The following RASGRF2 variants were observed in gnomAD, a reference collection of about 807,000 sequenced individuals.
The protein encoded by RASGRF2 is ras-specific guanine nucleotide-releasing factor 2.
In RASGRF2, 76 loss-of-function variants were observed where a neutral mutation model predicts 151.0. That is an observed-to-expected ratio of 0.50 (90% CI 0.42 to 0.61). The LOEUF (loss-of-function observed/expected upper bound fraction) is 0.61, where lower values mean the gene tolerates loss of function less well. RASGRF2 is among the 20% of genes least tolerant of loss of function. RASGRF2 has a pLI of 0.00. For synonymous variants in RASGRF2, 504 were observed against 566.5 expected (o/e 0.89, Z 1.57); for missense variants, 1,148 against 1,564.6 (o/e 0.73, Z 4.49).
chr5:80,963,657 G>A (rs188702523), intron 1 of RASGRF2, among the ~76,000 whole-genome samples: 7 of 152,310 alleles, frequency 4.6e-5, no homozygotes, highest in Admixed American at 1.3e-4. Context: ...CTGAAAAGCC[G>A]AGGACAAGCA....
chr5:81,216,503 A>G (rs1332773382), intron 24 of RASGRF2, among the ~76,000 whole-genome samples: 1 of 152,122 alleles, frequency 6.6e-6, no homozygotes, highest in East Asian at 1.9e-4. Flanking sequence ...AGTGAAAGCA[A>G]GACTAAGACT....
At chr5:81,048,283 T>C (rs183451900) in intron 2 of RASGRF2, among the ~76,000 whole-genome samples, 15 of 152,176 alleles carry the variant, frequency 9.9e-5, no homozygotes, top group Non-Finnish European at 1.3e-4. Context: ...ATTTAAGGTA[T>C]TATTATTATT....
At chr5:81,155,344 T>C (rs1754235860) in intron 17 of RASGRF2, among the ~76,000 whole-genome samples, 1 of 151,894 alleles carries the variant, frequency 6.6e-6, no homozygotes, top group Non-Finnish European at 1.5e-5. Context: ...TAAGGAAATA[T>C]TAGAGCATAA....
chr5:81,220,842 C>T (rs1050514334), intron 26 of RASGRF2, among the ~76,000 whole-genome samples: 1 of 152,146 alleles, frequency 6.6e-6, no homozygotes, highest in African/African-American at 2.4e-5. Flanking sequence ...TCTTTCTGCT[C>T]CAGGATCCCA....
intron 18 of RASGRF2, among the ~76,000 whole-genome samples, chr5:81,197,480 A>AAT (rs1341897748): frequency 6.6e-6 from 1 of 150,902 alleles, no homozygotes; most frequent in African/African-American, 2.4e-5. Flanking sequence ...AAAAAAAAAA[A>AAT]AAAAAAAGTA....
chr5:81,060,030 G>A (rs1302121929), intron 2 of RASGRF2, among the ~76,000 whole-genome samples: 1 of 152,162 alleles, frequency 6.6e-6, no homozygotes, highest in South Asian at 2.1e-4. Flanking sequence ...GGGTCATACA[G>A]CAAGAGCAGG....
chr5:81,023,842 G>C (rs1423627079), intron 1 of RASGRF2, among the ~76,000 whole-genome samples: 1 of 152,214 alleles, frequency 6.6e-6, no homozygotes, highest in Non-Finnish European at 1.5e-5. Context: ...ATGGCAGCCA[G>C]CAGTTACTGA....
chr5:81,221,335 G>T (rs80072836), intron 26 of RASGRF2, among the ~76,000 whole-genome samples: 2,710 of 152,082 alleles, frequency 0.018, 92 homozygotes, highest in African/African-American at 0.062. Flanking sequence ...CAAGAGATTT[G>T]TTTCTTCTCC....
chr5:81,137,883 T>C (rs111872409), intron 17 of RASGRF2, among the ~76,000 whole-genome samples: 123 of 152,334 alleles, frequency 8.1e-4, no homozygotes, highest in African/African-American at 2.8e-3. Flanking sequence ...TGGCATGCCT[T>C]GTAGTTTTTT....
rs1276702578 is a variant in RASGRF2 at position 81,173,023 on chromosome 5, G to C, written c.2687-7152G>C. 2.0e-5 allele frequency among the ~76,000 whole-genome samples: 3 copies of C among 152,142 alleles called. No homozygotes were observed. The East Asian group carries it at 5.8e-4, about 29-fold the overall frequency. On this transcript the variant is annotated intron_variant, in intron 17 of 26. Transcript: ENST00000265080. ...GCAATTTCCTTTCTACTCCAAGCCA[G>C]TTTGAGTTGGATTTTCTGTACCTTG...
At chr5:81,128,293 CA>C (rs1385381452) in intron 17 of RASGRF2, among the ~76,000 whole-genome samples, 1 of 151,930 alleles carries the variant, frequency 6.6e-6, no homozygotes, top group East Asian at 1.9e-4. Context: ...GCTCTCCCCA[CA>C]AAAAAATGGT....
chr5:81,102,257 A>C (rs2112521439), intron 12 of RASGRF2, among the ~76,000 whole-genome samples: 1 of 152,330 alleles, frequency 6.6e-6, no homozygotes, highest in South Asian at 2.1e-4. Context: ...CCCATTAATC[A>C]AGTTCTCTAT....
intron 9 of RASGRF2, 92 bp downstream of exon 9, chr5:81,087,045 G>C (rs1032786425): frequency 2.5e-6 from 3 of 1,192,886 alleles, no homozygotes; most frequent in African/African-American, 1.5e-5. Context: ...GAACAGGCGT[G>C]ACGGGTGCGG....
At chr5:81,070,761 AT>A (rs1309554369) in intron 4 of RASGRF2, among the ~76,000 whole-genome samples, 180 bp downstream of exon 4, 1 of 151,928 alleles carries the variant, frequency 6.6e-6, no homozygotes, top group African/African-American at 2.4e-5. Flanking sequence ...TCTGCTTGAG[AT>A]TTCTTTACAC....
chr5:81,182,083 C>T (rs1368472130), intron 18 of RASGRF2, among the ~76,000 whole-genome samples: 1 of 152,126 alleles, frequency 6.6e-6, no homozygotes, highest in Non-Finnish European at 1.5e-5. Context: ...GGTTCAGCTG[C>T]GTTGCGACCT....
At chr5:81,090,784 A>G (rs1463486918) in intron 9 of RASGRF2, among the ~76,000 whole-genome samples, 1 of 152,152 alleles carries the variant, frequency 6.6e-6, no homozygotes, top group African/African-American at 2.4e-5. Context: ...ATTTCTTTCT[A>G]AATTGTATTT....
At chr5:81,057,784 C>T (rs1035070450) in intron 2 of RASGRF2, among the ~76,000 whole-genome samples, 1 of 152,000 alleles carries the variant, frequency 6.6e-6, no homozygotes, top group African/African-American at 2.4e-5. Flanking sequence ...CACTTGAGCT[C>T]AGGAGTTCAA....
chr5:81,165,722 T>C (rs1444910207), intron 17 of RASGRF2, among the ~76,000 whole-genome samples: 3 of 152,220 alleles, frequency 2.0e-5, no homozygotes, highest in Non-Finnish European at 2.9e-5. Context: ...TGTGTGCCTC[T>C]GCTGCTCGTG....
chr5:81,022,360 A>G (rs1324523706), intron 1 of RASGRF2, among the ~76,000 whole-genome samples: 6 of 152,160 alleles, frequency 3.9e-5, no homozygotes. Flanking sequence ...GAGGCTCTGG[A>G]TAGACCCTTT....
Sources: allele counts gnomAD v4.1 joint callset (sites outside exome capture counted in the v4.1 genomes callset), GRCh38; gene constraint gnomAD v4.1.1; transcripts MANE v1.5; gene names NCBI Gene and HGNC (gene_info 2026-07-23, HGNC 2026-07-21).